Variants in CTH observed in about 807,000 individuals in gnomAD.
CTH encodes the protein cystathionine gamma-lyase, also known as cystathionase (cystathionine gamma-lyase).
Under a neutral mutation model 50.6 loss-of-function variants are expected in CTH, and 41 were observed. The observed-to-expected ratio is 0.81, with a 90% CI of 0.63 to 1.05. The LOEUF is 1.05. CTH is among the 50% of genes least tolerant of loss of function. CTH has a pLI of 0.00. For synonymous variants in CTH, 156 were observed against 168.9 expected, an observed-to-expected ratio of 0.92 and a Z score of 0.59; for missense variants, 470 against 492.6, an observed-to-expected ratio of 0.95 and a Z score of 0.43.
intron 4 of CTH, 61 bp from the exon 5 acceptor site, chr1:70,424,224 T>G: frequency 1.2e-6 from 2 of 1,611,364 alleles, no homozygotes; most frequent in Non-Finnish European, 1.7e-6. Flanking sequence ...TTACAATATA[T>G]GAGATGTATG....
At position 70,424,327 on chromosome 1, in the gene CTH, A is replaced by G; in HGVS notation, c.499A>G (p.Ile167Val). ...ETPTNPTQKVIDIEGCAHIVH... is the reference protein window; with the variant it reads ...ETPTNPTQKVVDIEGCAHIVH... Reference sequence around the variant, plus strand: ...CCCCACAAACCCCACCCAGAAGGTGATTGACATTGAAGGCTGTGCACATAT... The same window carrying G: ...CCCCACAAACCCCACCCAGAAGGTGGTTGACATTGAAGGCTGTGCACATAT... Residue 167 changes from isoleucine (I) to valine (V), a missense_variant, in exon 5 of 12, where the codon ATT (isoleucine) becomes GTT (valine). Coordinates refer to ENST00000370938, the MANE Select transcript of CTH (RefSeq NM_001902.6). 2 of 1,614,128 alleles carry G rather than the reference A, an allele frequency of 1.2e-6. No homozygotes were observed. Among genetic ancestry groups the G allele is most frequent in the Non-Finnish European group, 1.7e-6 (2 of 1,180,014 alleles).
At chr1:70,425,317 TG>T (rs1412789764) in intron 5 of CTH, among the ~76,000 whole-genome samples, 2 of 152,188 alleles carry the variant, frequency 1.3e-5, no homozygotes, top group Non-Finnish European at 2.9e-5. Flanking sequence ...TACTATAAAC[TG>T]GGTGGCTTAC....
rs112252336 is a variant in CTH at position 70,436,010 on chromosome 1, G to T, written c.1052+833G>T. 9.3e-4 allele frequency among the ~76,000 whole-genome samples: 142 copies of T among 152,224 alleles called. 1 individual carries two copies. Among genetic ancestry groups the T allele is most frequent in the African/African-American group, 3.1e-3 (127 of 41,550 alleles). ...ACTTCCATTTTTTAACACATAAAAT[G>T]AGATTAATAATTAATGATTTTCGGC... On this transcript the variant is annotated intron_variant, in intron 10 of 11. Transcript: ENST00000370938.
chr1:70,422,103 C>T (rs1684237774), intron 4 of CTH, among the ~76,000 whole-genome samples: 1 of 152,026 alleles, frequency 6.6e-6, no homozygotes, highest in Non-Finnish European at 1.5e-5. Context: ...ACTGCATAGC[C>T]AAAAGAGTAT....
At position 70,430,350 on chromosome 1, in the gene CTH, T is replaced by C; in HGVS notation, c.680T>C (p.Val227Ala). 6.2e-7 allele frequency: 1 copy of C among 1,604,404 alleles called. No individual in the cohort carries two copies. The highest frequency in any genetic ancestry group is 8.5e-7 in the Non-Finnish European group (1 of 1,171,296). The change falls in exon 7 of 12, where the codon GTT (valine) becomes GCT (alanine). Residue 227 changes from valine (V) to alanine (A), a missense_variant. Physicochemically the swap from Val to Ala is moderately conservative, Grantham distance 64 (BLOSUM62 0). Transcript: ENST00000370938. Reference protein sequence around the residue: ...HSDVVMGLVSVNCESLHNRLR... With the variant: ...HSDVVMGLVSANCESLHNRLR... ...GATGTTGTAATGGGCCTGGTGTCTG[T>C]TAATTGTGAAAGCCTTCATAATAGA...
At chr1:70,418,996 C>T (rs1234806655) in intron 3 of CTH, among the ~76,000 whole-genome samples, 2 of 123,598 alleles carry the variant, frequency 1.6e-5, no homozygotes, top group Non-Finnish European at 3.3e-5. Context: ...CACAACAGTC[C>T]CTGGTGTGTG....
chr1:70,428,867 C>G (rs1270102551), intron 5 of CTH, among the ~76,000 whole-genome samples: 3 of 152,214 alleles, frequency 2.0e-5, no homozygotes, highest in Admixed American at 2.0e-4. Context: ...CCCACCTCAG[C>G]CTCCCAAAGT....
intron 1 of CTH, 32 bp downstream of exon 1, chr1:70,411,615 T>C: frequency 3.1e-6 from 5 of 1,603,122 alleles, no homozygotes; most frequent in Non-Finnish European, 3.4e-6. Context: ...CTGTCCACAG[T>C]TGGGCGGTAA....
chr1:70,434,972 G>C (rs1684566046), intron 9 of CTH, 153 bp from the exon 10 acceptor site: 1 of 529,698 alleles, frequency 1.9e-6, no homozygotes, highest in South Asian at 1.8e-5. Context: ...GGCTGGTCTC[G>C]AACTCCTGAC....
chr1:70,439,030 G>T, intron 11 of CTH, 71 bp from the exon 12 acceptor site: 2 of 1,545,198 alleles, frequency 1.3e-6, no homozygotes, highest in South Asian at 1.1e-5. Context: ...TCAGAAAAAG[G>T]ACTTCTTGAG....
At chr1:70,430,001 G>T in intron 6 of CTH, 150 bp downstream of exon 6, 1 of 668,414 alleles carries the variant, frequency 1.5e-6, no homozygotes, top group Non-Finnish European at 2.6e-6. Context: ...TTAAATGTAG[G>T]ATTTCATTAA....
intron 3 of CTH, among the ~76,000 whole-genome samples, chr1:70,420,642 T>C (rs566204442): frequency 6.6e-6 from 1 of 152,254 alleles, no homozygotes; most frequent in African/African-American, 2.4e-5. Context: ...GACCCCTGCT[T>C]TAAAGGAAGG....
rs1282133011 is a variant in CTH at position 70,438,775 on chromosome 1, A to C, written c.1140A>C (p.Leu380Phe). 8 of 1,613,966 alleles carry C rather than the reference A, an allele frequency of 5.0e-6. No homozygotes were observed. The highest frequency in any genetic ancestry group is 6.8e-6 in the Non-Finnish European group (8 of 1,180,006). ...CACTGATTCGACTTTCTGTGGGCTT[A>C]GAGGATGAGGAAGACCTACTGGAAG... is the stretch of plus-strand genomic sequence containing the variant. ...SDTLIRLSVGLEDEEDLLEDL... is the reference protein window; with the variant it reads ...SDTLIRLSVGFEDEEDLLEDL... Residue 380 changes from leucine to phenylalanine, a missense_variant, in exon 11 of 12, where the codon TTA (leucine) becomes TTC (phenylalanine). Coordinates refer to ENST00000370938, the MANE Select transcript of CTH (RefSeq NM_001902.6).
chr1:70,413,472 G>A (rs955780098), intron 1 of CTH, among the ~76,000 whole-genome samples: 4 of 151,594 alleles, frequency 2.6e-5, no homozygotes, highest in Non-Finnish European at 4.4e-5. Flanking sequence ...CACCATGTTG[G>A]CCAGGCTGCT....
intron 1 of CTH, among the ~76,000 whole-genome samples, chr1:70,414,126 A>G (rs1684035221): frequency 6.6e-6 from 1 of 151,956 alleles, no homozygotes; most frequent in African/African-American, 2.4e-5. Context: ...CGTGAATCCA[A>G]ACTTTTTTTT....
Position 70,411,309 on chromosome 1 carries a change from T to G in CTH, c.-107T>G. 8.7e-7 allele frequency: 1 copy of G among 1,150,872 alleles called. No individual in the cohort carries two copies. The highest frequency in any genetic ancestry group is 1.7e-5 in the Admixed American group (1 of 59,426). 71.3% of individuals were successfully genotyped at this position (1,150,872 alleles called of 1,614,324 possible). A position where few individuals can be genotyped will look rare whatever the true frequency, so the allele number is the denominator to read the frequency against. On this transcript the variant is annotated 5_prime_UTR_variant, in exon 1 of 12. Transcript: ENST00000370938. Reference sequence around the variant, plus strand: ...CGCCGTCGGCTCTACCTGCGTGCTTTAGCTCCTTCTCGCCTGATCCTTCTG... The same window carrying G: ...CGCCGTCGGCTCTACCTGCGTGCTTGAGCTCCTTCTCGCCTGATCCTTCTG...
chr1:70,417,480 T>C (rs1684118849), intron 2 of CTH, among the ~76,000 whole-genome samples: 1 of 151,918 alleles, frequency 6.6e-6, no homozygotes, highest in African/African-American at 2.4e-5. Context: ...ACACAGAGTT[T>C]CACCCTGTTG....
rs886046512 is a variant in CTH, at chr1:70,439,225, G to A, written c.*98G>A. ...ATGAGCCTTTGCAAAATTTTCAAGC[G>A]GAAATTTTAAGGCACCTCATTATCT... is the stretch of plus-strand genomic sequence containing the variant. On this transcript the variant is annotated 3_prime_UTR_variant, in exon 12 of 12. Coordinates refer to ENST00000370938, the MANE Select transcript of CTH (RefSeq NM_001902.6). 9.2e-6 allele frequency: 11 copies of A among 1,197,350 alleles called. No homozygotes were observed. Among genetic ancestry groups the A allele is most frequent in the South Asian group, 4.9e-5 (4 of 81,186 alleles). 74.2% of individuals were successfully genotyped at this position (1,197,350 alleles called of 1,614,324 possible).
intron 8 of CTH, among the ~76,000 whole-genome samples, chr1:70,433,419 C>T (rs752951799): frequency 7.2e-5 from 11 of 152,224 alleles, no homozygotes; most frequent in Non-Finnish European, 7.4e-5. Flanking sequence ...TTTTATTAAA[C>T]GCCAGCTATG....
Sources: gnomAD v4.1 joint callset for allele counts (sites outside exome capture counted in the v4.1 genomes callset) on GRCh38, gnomAD v4.1.1 for gene constraint, MANE v1.5 for transcripts, NCBI Gene and HGNC (gene_info 2026-07-23, HGNC 2026-07-21) for gene names.